Variants in SHLD2 observed in about 807,000 individuals in gnomAD.
The protein encoded by SHLD2 is RINN1-REV7-interacting novel NHEJ regulator 2.
In SHLD2, 30 loss-of-function variants were observed where a neutral mutation model predicts 73.2. That is an observed-to-expected ratio of 0.41 (90% CI 0.31 to 0.56). The LOEUF is 0.56. SHLD2 is among the 20% of genes least tolerant of loss of function. SHLD2 has a pLI of 0.28. For synonymous variants in SHLD2, 285 were observed against 370.1 expected, an observed-to-expected ratio of 0.77 and a Z score of 2.64; for missense variants, 745 against 1,055.9, an observed-to-expected ratio of 0.71 and a Z score of 4.08.
At chr10:87,187,450 C>T (rs1848689395) in intron 9 of SHLD2, among the ~76,000 whole-genome samples, 1 of 152,192 alleles carries the variant, frequency 6.6e-6, no homozygotes, top group East Asian at 1.9e-4. Context: ...TAAGCAAAAA[C>T]TATTTTACTT....
chr10:87,110,451 C>CA (rs1396735068), intron 2 of SHLD2, among the ~76,000 whole-genome samples: 2 of 151,738 alleles, frequency 1.3e-5, no homozygotes, highest in African/African-American at 4.8e-5. Context: ...ACTCAAAATA[C>CA]AAAAAATTAG....
chr10:87,186,977 A>G (rs1402954268), intron 8 of SHLD2, 108 bp from the exon 9 acceptor site: 3 of 718,660 alleles, frequency 4.2e-6, no homozygotes, highest in East Asian at 2.7e-5. Context: ...TAGGCATTCA[A>G]ATTAATCCTG....
At chr10:87,117,131 T>C (rs534121901) in intron 2 of SHLD2, among the ~76,000 whole-genome samples, 128 of 152,296 alleles carry the variant, frequency 8.4e-4, no homozygotes, top group African/African-American at 2.8e-3. Context: ...GTTAGAACTT[T>C]AGCTGCGGCC....
At chr10:87,179,975 T>C (rs1848201934) in intron 7 of SHLD2, 100 bp from the exon 8 acceptor site, 14 of 774,866 alleles carry the variant, frequency 1.8e-5, no homozygotes, top group Non-Finnish European at 2.5e-5. Context: ...ATCCTTTTAC[T>C]ACAAGTGACT....
chr10:87,151,711 T>C lies in SHLD2; in HGVS notation c.357T>C (p.Asn119=), dbSNP rs753936276. Reference sequence around the variant, plus strand: ...GACTGAGTGATATAACTAGCTCTAATATGCAAATATGTGGATTTAAAAGCA... The same window carrying C: ...GACTGAGTGATATAACTAGCTCTAACATGCAAATATGTGGATTTAAAAGCA... ...SSRLSDITSS[N]MQICGFKSTV... is the part of the protein sequence containing the mutation. Residue 119 remains asparagine, a synonymous_variant, in exon 3 of 10, where the codon AAT becomes AAC. Coordinates refer to ENST00000298786, the MANE Select transcript of SHLD2 (RefSeq NM_001330112.2). 13 of 1,611,850 alleles carry C rather than the reference T, an allele frequency of 8.1e-6. No individual in the cohort carries two copies. In the Admixed American group the frequency reaches 2.2e-4, roughly 27 times the overall value.
At position 87,170,526 on chromosome 10, in the gene SHLD2, T is replaced by A. The variant is rs1442304267; in HGVS notation, c.1682T>A (p.Val561Glu). The A allele has an allele frequency of 3.1e-6, 5 of 1,612,088 alleles. No homozygotes were observed. The part of the protein sequence containing the change: ...EVVLQDLLAY[V>E]SSKHSYLRDL... ...GTACTTCAAGACTTACTGGCATATG[T>A]GTCCTCAAAACATTCCTACCTCAGA... The change falls in exon 5 of 10, where the codon GTG (valine) becomes GAG (glutamate). Residue 561 changes from valine (V) to glutamate (E), a missense_variant. Coordinates refer to ENST00000298786, the MANE Select transcript of SHLD2 (RefSeq NM_001330112.2).
intron 2 of SHLD2, among the ~76,000 whole-genome samples, chr10:87,102,543 A>G: frequency 6.6e-6 from 1 of 151,910 alleles, no homozygotes; most frequent in East Asian, 1.9e-4. Flanking sequence ...CCCTGTCTCT[A>G]CTAAAAACAC....
At position 87,158,135 on chromosome 10, in the gene SHLD2, C is replaced by T; in HGVS notation, c.1613C>T (p.Ser538Leu). ...SSQLLNLGSY[S>L]SIQPEEYSSV... is the part of the protein sequence containing the mutation. ...CAGTTATTAAATCTTGGGAGTTATT[C>T]ATCTATTCAGCCTGAAGAATGTAAG... The change falls in exon 4 of 10, where the codon TCA (serine) becomes TTA (leucine). Residue 538 changes from serine to leucine, a missense_variant. By Grantham distance (145) the Ser-to-Leu change is moderately radical. Transcript: ENST00000298786. The T allele has an allele frequency of 1.2e-6, 2 of 1,611,044 alleles. No individual in the cohort carries two copies. The highest frequency in any genetic ancestry group is 1.3e-5 in the African/African-American group (1 of 74,930).
intron 8 of SHLD2, among the ~76,000 whole-genome samples, chr10:87,185,208 T>C (rs1848543890): frequency 6.6e-6 from 1 of 152,234 alleles, no homozygotes; most frequent in African/African-American, 2.4e-5. Context: ...CTTAGCATGA[T>C]GTTTTCAAGG....
chr10:87,117,964 A>G (rs4083506), intron 2 of SHLD2, among the ~76,000 whole-genome samples: 1 of 152,208 alleles, frequency 6.6e-6, no homozygotes, highest in African/African-American at 2.4e-5. Context: ...ACTCTATCCC[A>G]TTGGTAATTC....
At chr10:87,137,711 G>A (rs1466829951) in intron 2 of SHLD2, among the ~76,000 whole-genome samples, 7 of 152,172 alleles carry the variant, frequency 4.6e-5, no homozygotes. Flanking sequence ...AAGAAGTTCA[G>A]CAAATCCCAA....
rs1452820288 is a variant in SHLD2, at chr10:87,152,754, C to G, written c.1400C>G (p.Ser467Cys). The G allele has an allele frequency of 1.2e-6, 2 of 1,611,820 alleles. No individual in the cohort carries two copies. The highest frequency in any genetic ancestry group is 1.3e-5 in the African/African-American group (1 of 74,850). ...INIKFGPNSG[S>C]KVPLATVTVI... ...ATAAAATTCGGACCAAATTCTGGCT[C>G]TAAAGTGCCTTTAGCAACAGTTACA... The change falls in exon 3 of 10, where the codon TCT (serine) becomes TGT (cysteine). Residue 467 changes from serine (S) to cysteine (C), a missense_variant. Ser to Cys is a moderately radical substitution (Grantham distance 112, BLOSUM62 -1). Around this residue, in one of 5 missense-constraint regions of SHLD2, gnomAD observed 418 missense variants for 567.8 expected, o/e 0.74. Transcript: ENST00000298786.
chr10:87,121,284 C>T (rs1054493843), intron 2 of SHLD2, among the ~76,000 whole-genome samples: 2 of 151,824 alleles, frequency 1.3e-5, no homozygotes, highest in Non-Finnish European at 2.9e-5. Flanking sequence ...TCCACTATGC[C>T]TAGCTAATTT....
intron 9 of SHLD2, among the ~76,000 whole-genome samples, chr10:87,188,381 G>A (rs914223528): frequency 6.6e-6 from 1 of 152,026 alleles, no homozygotes; most frequent in Non-Finnish European, 1.5e-5. Context: ...ATCTGTACTG[G>A]TTCCTCACCT....
In SHLD2 at chr10:87,171,295, CA is replaced by C. The variant is rs1330695865; in HGVS notation, c.1963+323del. The stretch of plus-strand genomic sequence containing the variant: ...ACATTTAATTCTGGAGAAGCTTCTA[CA>C]ATTTTTTTTCAGCCAGAGTACTCTG... On this transcript the variant is annotated intron_variant, in intron 6 of 9. Transcript: ENST00000298786. Among the ~76,000 whole-genome samples, 22 of 152,182 alleles carry C rather than the reference CA, an allele frequency of 1.4e-4. 1 individual carries two copies. Among genetic ancestry groups the C allele is most frequent in the African/African-American group, 5.3e-4 (22 of 41,518 alleles).
intron 4 of SHLD2, among the ~76,000 whole-genome samples, chr10:87,160,529 A>G (rs1335859904): frequency 1.3e-5 from 2 of 152,168 alleles, no homozygotes; most frequent in African/African-American, 4.8e-5. Flanking sequence ...TTATAATATG[A>G]TTAATACTAT....
intron 9 of SHLD2, among the ~76,000 whole-genome samples, chr10:87,189,260 C>G (rs1277640931): frequency 6.6e-6 from 1 of 152,250 alleles, no homozygotes; most frequent in African/African-American, 2.4e-5. Flanking sequence ...CTTGGTCTCC[C>G]AAAGTGCTGG....
chr10:87,168,641 A>G (rs1379927125), intron 4 of SHLD2, among the ~76,000 whole-genome samples: 1 of 151,860 alleles, frequency 6.6e-6, no homozygotes, highest in Non-Finnish European at 1.5e-5. Context: ...AGCAACACAG[A>G]TGCAGTTGGA....
chr10:87,096,516 A>G (rs909976344), intron 1 of SHLD2, among the ~76,000 whole-genome samples: 5 of 152,108 alleles, frequency 3.3e-5, no homozygotes, highest in African/African-American at 1.2e-4. Context: ...TGGGGGCCAA[A>G]GCAGGCTGAT....
Sources: allele counts gnomAD v4.1 joint callset (sites outside exome capture counted in the v4.1 genomes callset), GRCh38; gene constraint gnomAD v4.1.1; regional missense constraint gnomAD v4.1.1; transcripts MANE v1.5; gene names NCBI Gene and HGNC (gene_info 2026-07-23, HGNC 2026-07-21).